The following ARHGAP10 variants were observed in gnomAD, a reference collection of about 807,000 sequenced individuals.
The protein encoded by ARHGAP10 is Rho GTPase activating protein 10.
In ARHGAP10, 87 loss-of-function variants were observed where a neutral mutation model predicts 108.6. The ratio of observed to expected loss-of-function variants is 0.80; its 90% confidence interval spans 0.67 to 0.96. ARHGAP10 has a LOEUF of 0.96. Ranked by LOEUF, ARHGAP10 falls within the 40% of genes least tolerant of loss-of-function variation. The pLI, the probability that ARHGAP10 is intolerant of heterozygous loss-of-function variation, is 0.00. For synonymous variants in ARHGAP10, 347 were observed against 341.1 expected (o/e 1.02, Z -0.19); for missense variants, 939 against 954.5 (o/e 0.98, Z 0.21).
chr4:148,049,541 C>A (rs1729031851), intron 20 of ARHGAP10, among the ~76,000 whole-genome samples: 1 of 152,090 alleles, frequency 6.6e-6, no homozygotes, highest in Non-Finnish European at 1.5e-5. Flanking sequence ...TCAAGCCAAT[C>A]CTGACCTATC....
At chr4:147,740,905 A>G (rs796387382) in intron 1 of ARHGAP10, among the ~76,000 whole-genome samples, 3 of 152,204 alleles carry the variant, frequency 2.0e-5, no homozygotes, top group African/African-American at 7.2e-5. Context: ...GGTAGGACCT[A>G]TCTCAGATCT....
intron 18 of ARHGAP10, among the ~76,000 whole-genome samples, chr4:148,000,820 A>G (rs1474806558): frequency 3.3e-5 from 5 of 151,904 alleles, no homozygotes; most frequent in African/African-American, 1.2e-4. Flanking sequence ...GTGATTCTGG[A>G]TATTAGCCCT....
chr4:148,056,183 T>A (rs1729357414), intron 20 of ARHGAP10, among the ~76,000 whole-genome samples: 1 of 152,172 alleles, frequency 6.6e-6, no homozygotes, highest in Non-Finnish European at 1.5e-5. Context: ...CTTGAGCTAA[T>A]CAGTAATCAA....
At chr4:148,053,761 G>T in intron 20 of ARHGAP10, among the ~76,000 whole-genome samples, 1 of 152,260 alleles carries the variant, frequency 6.6e-6, no homozygotes, top group East Asian at 1.9e-4. Context: ...CCGACTGCCT[G>T]GCCCCTTACA....
chr4:147,963,685 C>T (rs575086852), intron 16 of ARHGAP10, among the ~76,000 whole-genome samples: 5 of 152,260 alleles, frequency 3.3e-5, no homozygotes, highest in South Asian at 2.1e-4. Flanking sequence ...GCATTTATTC[C>T]GTCACAATTC....
At chr4:147,860,435 A>AAAAAC (rs112437404) in intron 5 of ARHGAP10, among the ~76,000 whole-genome samples, 3,694 of 151,896 alleles carry the variant, frequency 0.024, 73 homozygotes, top group African/African-American at 0.056. Context: ...GCTCCGTCTC[A>AAAAAC]AAAACAAAAC....
intron 1 of ARHGAP10, among the ~76,000 whole-genome samples, chr4:147,768,444 A>G (rs894356206): frequency 1.3e-5 from 2 of 152,096 alleles, no homozygotes; most frequent in Non-Finnish European, 2.9e-5. Flanking sequence ...CAGCTTAAAG[A>G]TTTGTTAGTA....
intron 1 of ARHGAP10, among the ~76,000 whole-genome samples, chr4:147,747,523 C>A (rs1011761210): frequency 3.9e-5 from 6 of 152,178 alleles, no homozygotes; most frequent in African/African-American, 1.2e-4. Context: ...CCCTGACCGC[C>A]ATGGAGGTGG....
chr4:147,993,494 G>A (rs560217925), intron 18 of ARHGAP10, among the ~76,000 whole-genome samples: 1 of 152,294 alleles, frequency 6.6e-6, no homozygotes, highest in African/African-American at 2.4e-5. Flanking sequence ...ACATTAAGCT[G>A]CTATGTGAAC....
chr4:148,025,269 G>C (rs919714610), intron 19 of ARHGAP10, among the ~76,000 whole-genome samples: 2 of 151,712 alleles, frequency 1.3e-5, no homozygotes, highest in Non-Finnish European at 2.9e-5. Context: ...TCTTTAGTCT[G>C]GTTTTTATGT....
At chr4:147,990,452 C>A (rs552611175) in intron 18 of ARHGAP10, among the ~76,000 whole-genome samples, 1 of 152,176 alleles carries the variant, frequency 6.6e-6, no homozygotes, top group Non-Finnish European at 1.5e-5. Context: ...TCCAAGATAA[C>A]TAAAAGTCAG....
intron 8 of ARHGAP10, 65 bp downstream of exon 8, chr4:147,875,215 A>G: frequency 6.9e-7 from 1 of 1,458,596 alleles, no homozygotes; most frequent in Non-Finnish European, 9.1e-7. Flanking sequence ...AAACTCTGCT[A>G]TTCTTGCCAT....
intron 15 of ARHGAP10, among the ~76,000 whole-genome samples, chr4:147,946,972 A>G (rs183782565): frequency 2.0e-5 from 3 of 152,340 alleles, no homozygotes; most frequent in Admixed American, 2.0e-4. Context: ...GGAATTAAAC[A>G]CTATGAAACA....
intron 1 of ARHGAP10, among the ~76,000 whole-genome samples, chr4:147,792,835 G>A (rs1378943240): frequency 6.6e-6 from 1 of 152,120 alleles, no homozygotes; most frequent in African/African-American, 2.4e-5. Flanking sequence ...TGGGGAATGT[G>A]GGTTGAAGGT....
At chr4:147,813,216 A>G (rs989525893) in intron 1 of ARHGAP10, among the ~76,000 whole-genome samples, 2 of 151,768 alleles carry the variant, frequency 1.3e-5, no homozygotes, top group African/African-American at 4.8e-5. Flanking sequence ...CCTTTAAGGG[A>G]TGTTTTTATA....
intron 18 of ARHGAP10, among the ~76,000 whole-genome samples, chr4:148,002,534 A>T (rs1332000678): frequency 6.6e-6 from 1 of 152,104 alleles, no homozygotes; most frequent in Non-Finnish European, 1.5e-5. Context: ...CTGTGAATCC[A>T]TCTGGTCCTG....
At chr4:148,071,498 C>T (rs939852880) in intron 22 of ARHGAP10, among the ~76,000 whole-genome samples, 16 of 152,306 alleles carry the variant, frequency 1.1e-4, no homozygotes, top group African/African-American at 3.6e-4. Flanking sequence ...TGCCTGTAAT[C>T]CCAGCTACTC....
chr4:148,067,081 G>A (rs1206232930), intron 22 of ARHGAP10, among the ~76,000 whole-genome samples: 2 of 152,130 alleles, frequency 1.3e-5, no homozygotes, highest in Non-Finnish European at 2.9e-5. Context: ...AAAATACCTT[G>A]TGGATGTGTT....
chr4:147,903,624 T>A (rs1056652173), intron 10 of ARHGAP10, among the ~76,000 whole-genome samples: 1 of 152,194 alleles, frequency 6.6e-6, no homozygotes, highest in Non-Finnish European at 1.5e-5. Flanking sequence ...TCCCTTTCCC[T>A]CCAGTCCCTG....
Sources: allele counts gnomAD v4.1 joint callset (sites outside exome capture counted in the v4.1 genomes callset), GRCh38; gene constraint gnomAD v4.1.1; transcripts MANE v1.5; gene names NCBI Gene and HGNC (gene_info 2026-07-23, HGNC 2026-07-21).